Variants in SLC4A4 observed in about 807,000 individuals in gnomAD.
SLC4A4 encodes electrogenic sodium bicarbonate cotransporter 1.
A neutral mutation model predicts 111.5 loss-of-function variants in SLC4A4; 27 were observed. The observed-to-expected ratio is 0.24, with a 90% CI of 0.18 to 0.33. SLC4A4 has a LOEUF of 0.33. Ranked by LOEUF, SLC4A4 falls within the 10% of genes least tolerant of loss-of-function variation. The pLI is 1.00. For missense variants in SLC4A4, 909 were observed against 1,315.5 expected (o/e 0.69, Z 4.78); for synonymous variants, 443 against 463.4 (o/e 0.96, Z 0.57).
At chr4:71,517,605 T>C (rs1732528221) in intron 16 of SLC4A4, among the ~76,000 whole-genome samples, 1 of 152,192 alleles carries the variant, frequency 6.6e-6, no homozygotes, top group Non-Finnish European at 1.5e-5. Flanking sequence ...ATAGTTCATA[T>C]ATCTTCATTT....
At chr4:71,246,649 A>G (rs1560810128) in intron 2 of SLC4A4, among the ~76,000 whole-genome samples, 1 of 152,164 alleles carries the variant, frequency 6.6e-6, no homozygotes, top group African/African-American at 2.4e-5. Flanking sequence ...GTCATTCTGT[A>G]TCTCTAAGAC....
chr4:71,266,714 T>C (rs1469092017), intron 3 of SLC4A4, among the ~76,000 whole-genome samples: 1 of 152,210 alleles, frequency 6.6e-6, no homozygotes, highest in African/African-American at 2.4e-5. Flanking sequence ...GTCATCATCC[T>C]TCATGGTCCT....
intron 14 of SLC4A4, among the ~76,000 whole-genome samples, chr4:71,479,815 A>G (rs111918401): frequency 6.6e-6 from 1 of 151,790 alleles, no homozygotes; most frequent in African/African-American, 2.4e-5. Flanking sequence ...GTCTTAACCT[A>G]TGTTTTAGCA....
chr4:71,386,233 T>G (rs762222636), intron 6 of SLC4A4, among the ~76,000 whole-genome samples: 35 of 152,154 alleles, frequency 2.3e-4, no homozygotes, highest in Non-Finnish European at 4.0e-4. Flanking sequence ...TTTATTTTCA[T>G]CCTTAGTGTT....
intron 2 of SLC4A4, among the ~76,000 whole-genome samples, chr4:71,108,209 C>G (rs1418603849): frequency 6.6e-6 from 1 of 152,112 alleles, no homozygotes. Context: ...GTAGTAATAG[C>G]TTTTATCATT....
At chr4:71,423,162 A>G (rs1469605738) in intron 7 of SLC4A4, among the ~76,000 whole-genome samples, 1 of 152,196 alleles carries the variant, frequency 6.6e-6, no homozygotes, top group Admixed American at 6.5e-5. Context: ...AAGTCAATGT[A>G]CAAAAATCAC....
Position 71,277,022 on chromosome 4 carries a change from T to C in SLC4A4, c.253+21623T>C, listed in dbSNP as rs539422369. Reference sequence around the variant, plus strand: ...TTGTGCCACTGCACTCCAGCCTGGGTAACAGAATGAGACCCTGTCTCAAAC... The same window carrying C: ...TTGTGCCACTGCACTCCAGCCTGGGCAACAGAATGAGACCCTGTCTCAAAC... On this transcript the variant is annotated intron_variant, in intron 3 of 25. Coordinates refer to ENST00000264485, the MANE Select transcript of SLC4A4 (RefSeq NM_001098484.3). 6.6e-5 allele frequency among the ~76,000 whole-genome samples: 10 copies of C among 152,114 alleles called. 1 individual carries two copies. Among genetic ancestry groups the C allele is most frequent in the African/African-American group, 2.4e-4 (10 of 41,508 alleles).
chr4:71,151,620 C>A (rs865868149), intron 2 of SLC4A4, among the ~76,000 whole-genome samples: 4 of 151,416 alleles, frequency 2.6e-5, no homozygotes, highest in African/African-American at 7.3e-5. Flanking sequence ...TATTTTTATA[C>A]GTAAAAAATA....
At chr4:71,293,392 G>A (rs1196529675) in intron 3 of SLC4A4, among the ~76,000 whole-genome samples, 1 of 151,312 alleles carries the variant, frequency 6.6e-6, no homozygotes, top group Non-Finnish European at 1.5e-5. Context: ...GTGAAACCCA[G>A]TCTCTACTAA....
chr4:71,529,352 C>T (rs916989661), intron 16 of SLC4A4, among the ~76,000 whole-genome samples: 6 of 152,108 alleles, frequency 3.9e-5, no homozygotes, highest in Non-Finnish European at 1.5e-5. Flanking sequence ...TTTCTTTCAA[C>T]AGTATTATAC....
chr4:71,394,309 G>GA (rs138053541), intron 6 of SLC4A4, among the ~76,000 whole-genome samples: 3,783 of 150,132 alleles, frequency 0.025, 159 homozygotes, highest in East Asian at 0.15. Context: ...AATTAGTAAG[G>GA]AAAAAAAAAT....
At chr4:71,443,112 CTCTCTATATATATATA>C (rs1724893925) in intron 8 of SLC4A4, among the ~76,000 whole-genome samples, 1 of 97,674 alleles carries the variant, frequency 1.0e-5, no homozygotes, top group Admixed American at 1.0e-4. Context: ...CTCTCTCTCT[CTCTCTATATATATATA>C]TATATATATA....
At chr4:71,429,948 G>C (rs1326002508) in intron 7 of SLC4A4, among the ~76,000 whole-genome samples, 1 of 151,720 alleles carries the variant, frequency 6.6e-6, no homozygotes. Context: ...ATTTTTTCTA[G>C]TACTTTATTA....
intron 16 of SLC4A4, among the ~76,000 whole-genome samples, chr4:71,519,823 T>G (rs996630073): frequency 6.6e-6 from 1 of 152,002 alleles, no homozygotes; most frequent in Non-Finnish European, 1.5e-5. Context: ...TTTGTTGTTG[T>G]TTTTTTAGTA....
At chr4:71,244,560 A>G (rs114968511) in intron 2 of SLC4A4, among the ~76,000 whole-genome samples, 2,916 of 152,276 alleles carry the variant, frequency 0.019, 80 homozygotes, top group African/African-American at 0.062. Context: ...GAAATCCCCC[A>G]GGATTAACCG....
intron 2 of SLC4A4, 113 bp downstream of exon 2, chr4:71,236,762 T>C (rs1245202420): frequency 1.1e-6 from 1 of 874,416 alleles, no homozygotes. Context: ...CCAAACCTTT[T>C]CTATAGAGTT....
At chr4:71,564,634 T>C (rs1187773760) in intron 24 of SLC4A4, among the ~76,000 whole-genome samples, 2 of 151,902 alleles carry the variant, frequency 1.3e-5, no homozygotes, top group East Asian at 1.9e-4. Flanking sequence ...CTACTTTGCG[T>C]TCTCATTGAA....
intron 18 of SLC4A4, among the ~76,000 whole-genome samples, chr4:71,542,717 C>T (rs1735174100): frequency 6.6e-6 from 1 of 152,048 alleles, no homozygotes; most frequent in Non-Finnish European, 1.5e-5. Flanking sequence ...CTCCTGGATG[C>T]TTTCTTAGCA....
chr4:71,552,343 T>C (rs1736066483), intron 20 of SLC4A4, among the ~76,000 whole-genome samples: 1 of 151,568 alleles, frequency 6.6e-6, no homozygotes, highest in Non-Finnish European at 1.5e-5. Context: ...GATTGTACAT[T>C]CACATGTACA....
Sources: gnomAD v4.1 joint callset for allele counts (sites outside exome capture counted in the v4.1 genomes callset) on GRCh38, gnomAD v4.1.1 for gene constraint, MANE v1.5 for transcripts, NCBI Gene and HGNC (gene_info 2026-07-23, HGNC 2026-07-21) for gene names.